Variants in DCAF6 observed in about 807,000 individuals in gnomAD.
DCAF6 encodes DDB1 and CUL4 associated factor 6, also known as DDB1- and CUL4-associated factor 6.
In DCAF6, 54 loss-of-function variants were observed where a neutral mutation model predicts 125.1. The ratio of observed to expected loss-of-function variants is 0.43; its 90% CI spans 0.35 to 0.54. The LOEUF is 0.54. DCAF6 is among the 20% of genes least tolerant of loss of function. The pLI is 0.01. For synonymous variants in DCAF6, 371 were observed against 390.4 expected, an observed-to-expected ratio of 0.95 and a Z score of 0.58; for missense variants, 934 against 1,161.7, an observed-to-expected ratio of 0.80 and a Z score of 2.85.
At chr1:168,067,376 G>T (rs549105759) in intron 20 of DCAF6, among the ~76,000 whole-genome samples, 2 of 152,286 alleles carry the variant, frequency 1.3e-5, no homozygotes, top group African/African-American at 2.4e-5. Context: ...TCAGTCAGAG[G>T]TATACACATA....
intron 2 of DCAF6, among the ~76,000 whole-genome samples, chr1:167,952,801 A>T (rs574086422): frequency 6.6e-6 from 1 of 152,152 alleles, no homozygotes; most frequent in African/African-American, 2.4e-5. Flanking sequence ...TAACATGTCC[A>T]GTTGCATGTC....
At chr1:167,908,187 T>C in the DCAF6 span, among the ~76,000 whole-genome samples, 1 of 152,274 alleles carries the variant, frequency 6.6e-6, no homozygotes, top group African/African-American at 2.4e-5. Context: ...AAAGAAAACA[T>C]TGGATAATGT....
At position 168,044,943 on chromosome 1, in the gene DCAF6, A is replaced by G. The variant is rs148482890; in HGVS notation, c.1974A>G (p.Ser658=). ...CAGCCAAGCCATTGGATTCCAACTC[A>G]GGAGAAAGAAATGACCTCAATCTTG... ...KFTAKPLDSN[S]GERNDLNLDR... is the part of the protein sequence containing the mutation. The change falls in exon 16 of 22, where the codon TCA becomes TCG. Residue 658 remains serine, a synonymous_variant. Transcript: ENST00000367840. 2 of 1,614,062 alleles carry G rather than the reference A, an allele frequency of 1.2e-6. No homozygotes were observed. Among genetic ancestry groups the G allele is most frequent in the Non-Finnish European group, 1.7e-6 (2 of 1,179,946 alleles).
At chr1:167,975,194 A>G (rs1677964644) in intron 4 of DCAF6, among the ~76,000 whole-genome samples, 179 bp downstream of exon 4, 2 of 152,326 alleles carry the variant, frequency 1.3e-5, no homozygotes, top group South Asian at 4.1e-4. Context: ...GTATCTTGAT[A>G]GGCTTCTGGA....
rs11558510 is a variant in DCAF6, at chr1:167,936,749, A to G, written c.-163A>G. The G allele has an allele frequency of 0.1, 62,175 of 620,450 alleles. 4,061 individuals carry two copies. Among genetic ancestry groups the G allele is most frequent in the African/African-American group, 0.24 (12,481 of 52,140 alleles). 38.4% of individuals were successfully genotyped at this position (620,450 alleles called of 1,614,324 possible). ...TCCGGCCCGGGTGCGGCCGGGCTTC[A>G]GGGGCCCAGGCGCCGCTGCTGCCAC... On this transcript the variant is annotated 5_prime_UTR_variant, in exon 1 of 22. Coordinates refer to ENST00000367840, the MANE Select transcript of DCAF6 (RefSeq NM_001198956.2).
intron 4 of DCAF6, among the ~76,000 whole-genome samples, chr1:167,986,219 T>C (rs964816613): frequency 6.6e-6 from 1 of 152,238 alleles, no homozygotes; most frequent in Non-Finnish European, 1.5e-5. Context: ...CGTTTATTTT[T>C]AGTGGAACTG....
chr1:168,003,088 A>G, intron 8 of DCAF6, among the ~76,000 whole-genome samples: 1 of 152,164 alleles, frequency 6.6e-6, no homozygotes, highest in East Asian at 1.9e-4. Flanking sequence ...TGTAACCAAA[A>G]TCTTACTATA....
rs115214496 is a variant in DCAF6 at position 167,970,696 on chromosome 1, A to T, written c.252+3975A>T. Among the ~76,000 whole-genome samples the T allele has an allele frequency of 5.0e-3, 756 of 152,282 alleles. 5 individuals carry two copies. The highest frequency in any genetic ancestry group is 0.017 in the African/African-American group (710 of 41,566). On this transcript the variant is annotated intron_variant, in intron 3 of 21. Transcript: ENST00000367840. ...TTTTAAAACACCAATGATTCATTAT[A>T]TAGGAAAAAAAGCTTTTTGACCATG...
the DCAF6 span, chr1:167,878,636 C>A: frequency 6.2e-7 from 1 of 1,613,616 alleles, no homozygotes; most frequent in East Asian, 2.2e-5. Flanking sequence ...TGACCAATGA[C>A]TATAGCAAGA....
chr1:167,972,321 A>G (rs1054234514), intron 3 of DCAF6, among the ~76,000 whole-genome samples: 2 of 152,274 alleles, frequency 1.3e-5, no homozygotes, highest in Non-Finnish European at 2.9e-5. Context: ...CTATACATAC[A>G]TAACACGAAT....
At chr1:167,946,239 A>T (rs2102672237) in intron 1 of DCAF6, among the ~76,000 whole-genome samples, 1 of 152,312 alleles carries the variant, frequency 6.6e-6, no homozygotes, top group East Asian at 1.9e-4. Context: ...TACAGGCATG[A>T]GCTACCGCGC....
In DCAF6 at chr1:168,045,206, A is replaced by T; in HGVS notation, c.2237A>T (p.Tyr746Phe). 1 of 1,612,368 alleles carries T rather than the reference A, an allele frequency of 6.2e-7. No individual in the cohort carries two copies. Among genetic ancestry groups the T allele is most frequent in the Non-Finnish European group, 8.5e-7 (1 of 1,179,294 alleles). Residue 746 changes from tyrosine (Y) to phenylalanine (F), a missense_variant, in exon 16 of 22, where the codon TAT (tyrosine) becomes TTT (phenylalanine). This residue lies in a region of DCAF6 where 559 missense variants were observed against 635.5 expected (regional missense o/e 0.88). Coordinates refer to ENST00000367840, the MANE Select transcript of DCAF6 (RefSeq NM_001198956.2). ...DDPVLIPGAR[Y>F]RAGPGDRFNI... ...CCAGTCCTGATCCCAGGTGCAAGGTATCGAGCAGGACCTGGTGATAGGTTG... is the reference window on the plus strand; with the variant it reads ...CCAGTCCTGATCCCAGGTGCAAGGTTTCGAGCAGGACCTGGTGATAGGTTG...
the DCAF6 span, among the ~76,000 whole-genome samples, chr1:167,929,214 C>T: frequency 2.6e-5 from 4 of 151,866 alleles, no homozygotes; most frequent in Non-Finnish European, 5.9e-5. Flanking sequence ...CAAAATTAGC[C>T]GGGCGTGGTG....
the DCAF6 span, among the ~76,000 whole-genome samples, chr1:167,865,239 TA>T: frequency 6.6e-6 from 1 of 152,140 alleles, no homozygotes; most frequent in Non-Finnish European, 1.5e-5. Context: ...ATTAAAAGGT[TA>T]AAAAAATTAT....
chr1:167,870,407 C>T, the DCAF6 span: 32 of 1,606,936 alleles, frequency 2.0e-5, no homozygotes, highest in Non-Finnish European at 2.4e-5. Flanking sequence ...CTCTTTATTA[C>T]GTCCTGTTAT....
chr1:167,936,853 TC>T lies in DCAF6; in HGVS notation c.-54del, dbSNP rs1457069332. 5.6e-6 allele frequency: 6 copies of T among 1,079,372 alleles called. No individual in the cohort carries two copies. The highest frequency in any genetic ancestry group is 1.6e-5 in the African/African-American group (1 of 63,342). The allele number at this position is 1,079,372 out of a possible 1,614,324, so 66.9% of individuals were successfully genotyped here. ...CTCGGGTGTTGAAACGGGTGTCCCC[TC>T]CCCCTCCTCCCCTCCCCCACGCGGT... On this transcript the variant is annotated 5_prime_UTR_variant, in exon 1 of 22. Coordinates refer to ENST00000367840, the MANE Select transcript of DCAF6 (RefSeq NM_001198956.2).
At chr1:168,003,822 G>T in intron 8 of DCAF6, 48 bp from the exon 9 acceptor site, 1 of 1,509,824 alleles carries the variant, frequency 6.6e-7, no homozygotes, top group Non-Finnish European at 8.9e-7. Flanking sequence ...ATTAATGAAA[G>T]ATTCTGACTT....
At chr1:167,886,395 A>G in the DCAF6 span, among the ~76,000 whole-genome samples, 1 of 152,202 alleles carries the variant, frequency 6.6e-6, no homozygotes, top group African/African-American at 2.4e-5. Flanking sequence ...ATAATACCAC[A>G]CATCTACAAC....
rs767690828 is a variant in DCAF6, at chr1:168,004,706, C to A, written c.1291C>A (p.Pro431Thr). The part of the protein sequence containing the change: ...AHSTSSPTES[P>T]HSTPLLSSPD... ...TTCGACATCATCTCCCACAGAAAGC[C>A]CTCATTCTACTCCTTTGCTATCTTC... The change falls in exon 10 of 22, where the codon CCT becomes ACT. Residue 431 changes from proline (P) to threonine (T), a missense_variant. Coordinates refer to ENST00000367840, the MANE Select transcript of DCAF6 (RefSeq NM_001198956.2). The A allele has an allele frequency of 6.2e-7, 1 of 1,613,868 alleles. No individual in the cohort carries two copies. Among genetic ancestry groups the A allele is most frequent in the African/African-American group, 1.3e-5 (1 of 74,896 alleles).
Sources: allele counts gnomAD v4.1 joint callset (sites outside exome capture counted in the v4.1 genomes callset), GRCh38; gene constraint gnomAD v4.1.1; regional missense constraint gnomAD v4.1.1; transcripts MANE v1.5; gene names NCBI Gene and HGNC (gene_info 2026-07-23, HGNC 2026-07-21).